Variants in CWF19L1 observed in about 807,000 individuals in gnomAD.
CWF19L1 encodes CWF19 like cell cycle control factor 1.
In CWF19L1, 60 loss-of-function variants were observed where a neutral mutation model predicts 69.7. That is an observed-to-expected ratio of 0.86 (90% CI 0.70 to 1.07). CWF19L1 has a LOEUF of 1.07. Ranked by LOEUF, CWF19L1 falls within the 50% of genes least tolerant of loss-of-function variation. The pLI is 0.00. For missense variants in CWF19L1, 591 were observed against 638.9 expected (o/e 0.92, Z 0.81); for synonymous variants, 209 against 222.2 (o/e 0.94, Z 0.53).
Position 100,264,603 on chromosome 10 carries a change from C to T in CWF19L1, c.24-2540G>A, listed in dbSNP as rs144891314. 9.7e-3 allele frequency among the ~76,000 whole-genome samples: 1,366 copies of T among 141,320 alleles called. 30 individuals carry two copies. Among genetic ancestry groups the T allele is most frequent in the Admixed American group, 0.031 (443 of 14,076 alleles). 92.7% of individuals were successfully genotyped at this position (141,320 alleles called of 152,430 possible). A position where few individuals can be genotyped will look rare whatever the true frequency, so the allele number is the denominator to read the frequency against. Reference sequence around the variant, plus strand: ...CTTTACTGTTTAGAGTACACTCCTACGTATTCAAAAAAAAAAAAAAAAAGT... The same window carrying T: ...CTTTACTGTTTAGAGTACACTCCTATGTATTCAAAAAAAAAAAAAAAAAGT... On this transcript the variant is annotated intron_variant, in intron 1 of 13. Transcript: ENST00000354105.
chr10:100,267,541 G>C (rs1847642269), intron 1 of CWF19L1, 30 bp downstream of exon 1: 1 of 1,614,052 alleles, frequency 6.2e-7, no homozygotes, highest in African/African-American at 1.3e-5. Context: ...AGAGACACAG[G>C]GAGAGAGGCT....
intron 7 of CWF19L1, 53 bp downstream of exon 7, chr10:100,250,195 T>A: frequency 8.4e-7 from 1 of 1,188,980 alleles, no homozygotes; most frequent in Admixed American, 1.7e-5. Context: ...AAGAGATACA[T>A]TTATCAGGCA....
At chr10:100,244,327 G>A (rs1323401031) in intron 9 of CWF19L1, among the ~76,000 whole-genome samples, 1 of 152,158 alleles carries the variant, frequency 6.6e-6, no homozygotes, top group African/African-American at 2.4e-5. Flanking sequence ...TACAGGAAGC[G>A]CCTCAGAACA....
At chr10:100,264,544 CAA>C (rs35268592) in intron 1 of CWF19L1, among the ~76,000 whole-genome samples, 8 of 105,622 alleles carry the variant, frequency 7.6e-5, no homozygotes, top group Admixed American at 1.2e-4. Flanking sequence ...GACTCCATCT[CAA>C]AAAAAAAAAA....
chr10:100,240,821 G>A (rs893725514), intron 10 of CWF19L1, among the ~76,000 whole-genome samples: 16 of 151,730 alleles, frequency 1.1e-4, no homozygotes, highest in Non-Finnish European at 2.1e-4. Context: ...CTAATCCAAA[G>A]ACGAAAAAAG....
chr10:100,252,587 C>A (rs1463210263), intron 6 of CWF19L1, among the ~76,000 whole-genome samples: 2 of 152,070 alleles, frequency 1.3e-5, no homozygotes, highest in African/African-American at 2.4e-5. Context: ...GTAATCCCAG[C>A]ACTTTGGGAG....
intron 10 of CWF19L1, 59 bp from the exon 11 acceptor site, chr10:100,238,290 G>A: frequency 6.6e-7 from 1 of 1,518,188 alleles, no homozygotes; most frequent in Non-Finnish European, 9.1e-7. Flanking sequence ...TCTCCAGGGA[G>A]AAAAACCTAT....
intron 4 of CWF19L1, among the ~76,000 whole-genome samples, chr10:100,256,979 G>A (rs1208775458): frequency 6.6e-6 from 1 of 152,202 alleles, no homozygotes; most frequent in Non-Finnish European, 1.5e-5. Flanking sequence ...CTACTTGGAG[G>A]CAGGCAGCAA....
chr10:100,243,725 T>G lies in CWF19L1; in HGVS notation c.1017A>C (p.Lys339Asn). The change falls in exon 10 of 14, where the codon AAA (lysine) becomes AAC (asparagine). Residue 339 changes from lysine (K) to asparagine (N), a missense_variant. This residue lies in a region of CWF19L1 where 458 missense variants were observed against 489.3 expected (regional missense o/e 0.94). Coordinates refer to ENST00000354105, the MANE Select transcript of CWF19L1 (RefSeq NM_018294.6). ...GTGTGCCGATGTTGACCACCAAATG[T>G]TTTTCCACTTCAGGGCTAGCAAGGC... ...WFCLASPEVEKHLVVNIGTHC... is the reference protein window; with the variant it reads ...WFCLASPEVENHLVVNIGTHC... 6.2e-7 allele frequency: 1 copy of G among 1,614,126 alleles called. No homozygotes were observed. The highest frequency in any genetic ancestry group is 1.3e-5 in the African/African-American group (1 of 75,044).
chr10:100,264,984 G>A (rs1038172617), intron 1 of CWF19L1, among the ~76,000 whole-genome samples: 4 of 151,814 alleles, frequency 2.6e-5, no homozygotes, highest in Non-Finnish European at 1.5e-5. Context: ...AGCCAGGTGT[G>A]GTAGCTTCCG....
chr10:100,253,617 A>G (rs1847114912), intron 5 of CWF19L1, 78 bp from the exon 6 acceptor site: 1 of 840,856 alleles, frequency 1.2e-6, no homozygotes, highest in Non-Finnish European at 2.0e-6. Context: ...ACATTTTGAA[A>G]TGTCTTTGAA....
chr10:100,237,999 G>T (rs1203550132), intron 11 of CWF19L1, 23 bp downstream of exon 11: 1 of 1,610,062 alleles, frequency 6.2e-7, no homozygotes, highest in East Asian at 2.2e-5. Context: ...GCCCTTCCAA[G>T]TTTCTATGAA....
Position 100,232,358 on chromosome 10 carries a change from T to C in CWF19L1, c.*869A>G, listed in dbSNP as rs1159731850. Reference sequence around the variant, plus strand: ...TTAAAGGTTTTTGAAAATGTTGATATACACAAGCTGTACTTGGAGCTGGAT... The same window carrying C: ...TTAAAGGTTTTTGAAAATGTTGATACACACAAGCTGTACTTGGAGCTGGAT... On this transcript the variant is annotated 3_prime_UTR_variant, in exon 14 of 14. Transcript: ENST00000354105. 1 of 152,222 alleles carries C rather than the reference T, an allele frequency of 6.6e-6. No individual in the cohort carries two copies. Among genetic ancestry groups the C allele is most frequent in the Non-Finnish European group, 1.5e-5 (1 of 68,040 alleles). The allele number at this position is 152,222 out of a possible 1,614,324, so 9.4% of individuals were successfully genotyped here.
chr10:100,262,496 T>C lies in CWF19L1; in HGVS notation c.24-433A>G, dbSNP rs1376097522. ...TAGTACAGGGCTTCAGTCATTCATT[T>C]GATAAACAGGTACTGGACACCTACC... is the stretch of plus-strand genomic sequence containing the variant. On this transcript the variant is annotated intron_variant, in intron 1 of 13. Transcript: ENST00000354105. The C allele has an allele frequency of 5.1e-6, 5 of 984,202 alleles. No homozygotes were observed. The African/African-American group carries it at 8.7e-5, about 17-fold the overall frequency. 61.0% of individuals were successfully genotyped at this position (984,202 alleles called of 1,614,324 possible).
chr10:100,245,762 T>C (rs1846796984), intron 9 of CWF19L1, 37 bp downstream of exon 9: 1 of 1,502,636 alleles, frequency 6.7e-7, no homozygotes, highest in Middle Eastern at 1.7e-4. Flanking sequence ...TAACAGTTAC[T>C]GTTCATAGAA....
At chr10:100,258,173 G>A (rs1847275532) in intron 4 of CWF19L1, among the ~76,000 whole-genome samples, 3 of 152,188 alleles carry the variant, frequency 2.0e-5, no homozygotes, top group African/African-American at 7.2e-5. Flanking sequence ...GGGAGGCAGA[G>A]GTTGCAGTGA....
At chr10:100,259,611 A>C (rs1209006422) in intron 4 of CWF19L1, among the ~76,000 whole-genome samples, 1 of 152,210 alleles carries the variant, frequency 6.6e-6, no homozygotes, top group Non-Finnish European at 1.5e-5. Context: ...ACTATAGACA[A>C]GGAGTTTATC....
intron 7 of CWF19L1, 129 bp from the exon 8 acceptor site, chr10:100,247,064 C>G (rs1248491386): frequency 2.5e-6 from 2 of 795,102 alleles, no homozygotes; most frequent in Non-Finnish European, 3.8e-6. Context: ...CAGCAACCAG[C>G]CCATCCATAG....
intron 7 of CWF19L1, chr10:100,248,223 A>T: frequency 1.3e-6 from 1 of 766,398 alleles, no homozygotes; most frequent in Non-Finnish European, 2.3e-6. Context: ...TGGAGGTCAG[A>T]GTGGAAGCAG....
Sources: allele counts gnomAD v4.1 joint callset (sites outside exome capture counted in the v4.1 genomes callset), GRCh38; gene constraint gnomAD v4.1.1; regional missense constraint gnomAD v4.1.1; transcripts MANE v1.5; gene names NCBI Gene and HGNC (gene_info 2026-07-23, HGNC 2026-07-21).